RABEP1: variants seen among roughly 807,000 people sequenced by gnomAD.
RABEP1 encodes rabaptin, RAB GTPase binding effector protein 1.
A neutral mutation model predicts 123.4 loss-of-function variants in RABEP1; 51 were observed. The ratio of observed to expected loss-of-function variants is 0.41; its 90% CI spans 0.33 to 0.52. The LOEUF (loss-of-function observed/expected upper bound fraction) is 0.52. RABEP1 is among the 20% of genes least tolerant of loss of function. RABEP1 has a pLI of 0.16. For synonymous variants in RABEP1, 347 were observed against 355.2 expected, an observed-to-expected ratio of 0.98 and a Z score of 0.26; for missense variants, 888 against 996.3, an observed-to-expected ratio of 0.89 and a Z score of 1.46.
At chr17:5,357,128 A>G (rs1909094089) in intron 8 of RABEP1, among the ~76,000 whole-genome samples, 1 of 151,998 alleles carries the variant, frequency 6.6e-6, no homozygotes, top group African/African-American at 2.4e-5. Flanking sequence ...CACCCACCTC[A>G]GCCTCCCAAA....
At chr17:5,381,618 T>C in intron 17 of RABEP1, 113 bp downstream of exon 17, 1 of 1,452,304 alleles carries the variant, frequency 6.9e-7, no homozygotes, top group Non-Finnish European at 9.1e-7. Context: ...GACTGGCTGC[T>C]CCTACCTCCA....
rs925585022 is a variant in RABEP1 at position 5,330,973 on chromosome 17, A to G, written c.164-976A>G. Among the ~76,000 whole-genome samples the G allele has an allele frequency of 3.6e-4, 50 of 139,506 alleles. 2 individuals carry two copies. The highest frequency in any genetic ancestry group is 2.4e-4 in the South Asian group (1 of 4,244). 91.5% of individuals were successfully genotyped at this position (139,506 alleles called of 152,430 possible). ...CAGGAATTTGAGGTTATAGTGGTCT[A>G]TGTTTGCGTCACTGCACTCCAGCCT... On this transcript the variant is annotated intron_variant, in intron 2 of 17. Transcript: ENST00000537505.
chr17:5,317,020 C>T lies in RABEP1; in HGVS notation c.163+8198C>T, dbSNP rs56209909. Among the ~76,000 whole-genome samples, 1,016 of 152,050 alleles carry T rather than the reference C, an allele frequency of 6.7e-3. 6 individuals are homozygous for T. The highest frequency in any genetic ancestry group is 0.011 in the Non-Finnish European group (716 of 67,978). ...CCCAGGTTCAGTCGATTCTCCTGCC[C>T]TAGCCTCCTGAGTTGCTGGAATTAC... is the stretch of plus-strand genomic sequence containing the variant. On this transcript the variant is annotated intron_variant, in intron 2 of 17. Coordinates refer to ENST00000537505, the MANE Select transcript of RABEP1 (RefSeq NM_004703.6).
rs550517266 is a variant in RABEP1 at position 5,370,277 on chromosome 17, T to C, written c.1884+1809T>C. ...GGTTTGTGTTTTTTGCTGGACTGTT[T>C]GGAGTTATTGTAGACATGACAGTCG... On this transcript the variant is annotated intron_variant, in intron 12 of 17. Transcript: ENST00000537505. Among the ~76,000 whole-genome samples the C allele has an allele frequency of 2.0e-5, 3 of 152,364 alleles. No homozygotes were observed. In the East Asian group the frequency reaches 5.8e-4, roughly 29 times the overall value.
Position 5,361,694 on chromosome 17 carries a change from G to GT in RABEP1, c.1563+24dup. ...GAAAGAGGTGAGTTACCTTTCTCACGTTTTTCCTCTTGCTCACGCTGAGGC... is the reference window on the plus strand; with the variant it reads ...GAAAGAGGTGAGTTACCTTTCTCACGTTTTTTCCTCTTGCTCACGCTGAGGC... On this transcript the variant is annotated intron_variant, in intron 9 of 17. Coordinates refer to ENST00000537505, the MANE Select transcript of RABEP1 (RefSeq NM_004703.6). 6.4e-7 allele frequency: 1 copy of GT among 1,572,066 alleles called. No individual in the cohort carries two copies. The highest frequency in any genetic ancestry group is 8.6e-7 in the Non-Finnish European group (1 of 1,157,472).
At chr17:5,306,570 A>G (rs372885225) in intron 1 of RABEP1, among the ~76,000 whole-genome samples, 3 of 151,780 alleles carry the variant, frequency 2.0e-5, no homozygotes, top group South Asian at 4.2e-4. Context: ...GGAGGTTGCA[A>G]TGAGCCAAGA....
chr17:5,324,706 T>G (rs968349556), intron 2 of RABEP1, among the ~76,000 whole-genome samples: 1 of 152,196 alleles, frequency 6.6e-6, no homozygotes, highest in Non-Finnish European at 1.5e-5. Flanking sequence ...TGAAGAAGAT[T>G]TGTTAAAGAA....
intron 8 of RABEP1, among the ~76,000 whole-genome samples, chr17:5,358,157 A>G (rs978731330): frequency 4.6e-5 from 7 of 152,176 alleles, no homozygotes; most frequent in African/African-American, 1.7e-4. Flanking sequence ...CAGTTTCTTC[A>G]CAGCCAGCAA....
At chr17:5,336,257 CCA>C (rs981500508) in intron 4 of RABEP1, among the ~76,000 whole-genome samples, 3 of 152,174 alleles carry the variant, frequency 2.0e-5, no homozygotes, top group Admixed American at 1.3e-4. Flanking sequence ...TTCATGATTT[CCA>C]CAGTCTTTCA....
At chr17:5,321,611 A>G (rs1481151908) in intron 2 of RABEP1, among the ~76,000 whole-genome samples, 1 of 152,222 alleles carries the variant, frequency 6.6e-6, no homozygotes, top group African/African-American at 2.4e-5. Flanking sequence ...CCATGTCTCA[A>G]AAAAATAACC....
intron 16 of RABEP1, 146 bp downstream of exon 16, chr17:5,380,608 C>CT: frequency 1.4e-6 from 1 of 732,084 alleles, no homozygotes; most frequent in Non-Finnish European, 2.4e-6. Flanking sequence ...AAAGAAAAAA[C>CT]TTAAACGAAT....
intron 8 of RABEP1, among the ~76,000 whole-genome samples, chr17:5,359,181 C>T (rs1909286100): frequency 6.6e-6 from 1 of 151,818 alleles, no homozygotes; most frequent in South Asian, 2.1e-4. Flanking sequence ...TCACGCCATT[C>T]TCCTTCCTCA....
Position 5,383,313 on chromosome 17 carries a change from AAG to A in RABEP1, c.*94_*95del. The A allele has an allele frequency of 1.9e-6, 2 of 1,036,786 alleles. No individual in the cohort carries two copies. Among genetic ancestry groups the A allele is most frequent in the Non-Finnish European group, 2.9e-6 (2 of 680,558 alleles). 64.2% of individuals were successfully genotyped at this position (1,036,786 alleles called of 1,614,324 possible). The stretch of plus-strand genomic sequence containing the variant: ...TTATTATTTAACTCTTAACTGAAGA[AAG>A]AGAAGTCACAACAAAAGGAAGACTG... On this transcript the variant is annotated 3_prime_UTR_variant, in exon 18 of 18. Transcript: ENST00000537505.
chr17:5,309,623 A>G (rs1412934403), intron 2 of RABEP1, among the ~76,000 whole-genome samples: 1 of 151,358 alleles, frequency 6.6e-6, no homozygotes, highest in Non-Finnish European at 1.5e-5. Context: ...ATTGCACTCC[A>G]GCGTGGGCGA....
At chr17:5,326,041 G>C (rs1260551913) in intron 2 of RABEP1, among the ~76,000 whole-genome samples, 1 of 152,170 alleles carries the variant, frequency 6.6e-6, no homozygotes, top group Admixed American at 6.5e-5. Flanking sequence ...ATTCATTGCT[G>C]GTGGGAATGC....
At chr17:5,346,432 G>T (rs1597374154) in intron 5 of RABEP1, among the ~76,000 whole-genome samples, 1 of 152,076 alleles carries the variant, frequency 6.6e-6, no homozygotes, top group Non-Finnish European at 1.5e-5. Flanking sequence ...ATTAACTACC[G>T]ATTTAAAAAA....
At chr17:5,369,757 A>G (rs1910376793) in intron 12 of RABEP1, among the ~76,000 whole-genome samples, 1 of 150,868 alleles carries the variant, frequency 6.6e-6, no homozygotes, top group African/African-American at 2.4e-5. Context: ...CTGGAGTGTA[A>G]TGGCGCAATC....
intron 1 of RABEP1, among the ~76,000 whole-genome samples, chr17:5,296,965 T>G (rs2075089432): frequency 6.6e-6 from 1 of 151,922 alleles, no homozygotes; most frequent in Admixed American, 6.6e-5. Flanking sequence ...TCTCGAACTC[T>G]TGGCTCAAAT....
chr17:5,309,923 AT>A (rs2075219810), intron 2 of RABEP1, among the ~76,000 whole-genome samples: 1 of 152,188 alleles, frequency 6.6e-6, no homozygotes, highest in Non-Finnish European at 1.5e-5. Flanking sequence ...AAACTGTGGG[AT>A]TTGGGTCCAG....
Sources: gnomAD v4.1 joint callset for allele counts (sites outside exome capture counted in the v4.1 genomes callset) on GRCh38, gnomAD v4.1.1 for gene constraint, MANE v1.5 for transcripts, NCBI Gene and HGNC (gene_info 2026-07-23, HGNC 2026-07-21) for gene names.